TAF5L: variants seen among roughly 807,000 people sequenced by gnomAD.
TAF5L encodes TAF5-like RNA polymerase II p300/CBP-associated factor-associated factor 65 kDa subunit 5L.
A neutral mutation model predicts 51.3 loss-of-function variants in TAF5L; 7 were observed. The observed-to-expected ratio is 0.14, with a 90% CI of 0.08 to 0.26. TAF5L has a LOEUF of 0.26. Ranked by LOEUF, TAF5L falls within the 10% of genes least tolerant of loss-of-function variation. The pLI is 1.00. For synonymous variants in TAF5L, 291 were observed against 308.1 expected, an observed-to-expected ratio of 0.94 and a Z score of 0.58; for missense variants, 575 against 758.9, an observed-to-expected ratio of 0.76 and a Z score of 2.85.
At chr1:229,601,254 A>C in intron 4 of TAF5L, 5 of 985,424 alleles carry the variant, frequency 5.1e-6, no homozygotes, top group Non-Finnish European at 6.0e-6. Context: ...TATTCTTGAC[A>C]TCCTTATCAT....
chr1:229,615,755 G>C (rs1256417787), intron 1 of TAF5L, among the ~76,000 whole-genome samples: 1 of 152,132 alleles, frequency 6.6e-6, no homozygotes, highest in Admixed American at 6.5e-5. Context: ...AATGACAGCT[G>C]GATGAATTTT....
At position 229,602,135 on chromosome 1, in the gene TAF5L, A is replaced by T; in HGVS notation, c.972+60T>A. 1 of 1,564,330 alleles carries T rather than the reference A, an allele frequency of 6.4e-7. No individual in the cohort carries two copies. The highest frequency in any genetic ancestry group is 8.7e-7 in the Non-Finnish European group (1 of 1,155,542). On this transcript the variant is annotated intron_variant, in intron 4 of 4. Coordinates refer to ENST00000258281, the Ensembl canonical transcript of TAF5L. The surrounding 1 kb of genome is among the most constrained non-coding windows in gnomAD (Gnocchi z 4.6). ...CATTCTAAGATATGTCGTGTTTGGTAAGGACATTCTAAGGAAATTAGGAAG... is the reference window on the plus strand; with the variant it reads ...CATTCTAAGATATGTCGTGTTTGGTTAGGACATTCTAAGGAAATTAGGAAG...
intron 3 of TAF5L, among the ~76,000 whole-genome samples, chr1:229,609,388 T>A (rs116256187): frequency 6.6e-6 from 1 of 152,242 alleles, no homozygotes; most frequent in Non-Finnish European, 1.5e-5. Context: ...TACAGAACTG[T>A]AATGATTTTT....
At chr1:229,616,033 G>C (rs1020598622) in intron 1 of TAF5L, among the ~76,000 whole-genome samples, 1 of 151,410 alleles carries the variant, frequency 6.6e-6, no homozygotes, top group African/African-American at 2.4e-5. Flanking sequence ...TATTTTTTTT[G>C]AGACAGTGTC....
At chr1:229,599,274 T>TG (rs1664269784) in intron 4 of TAF5L, 1 of 744,806 alleles carries the variant, frequency 1.3e-6, no homozygotes, top group African/African-American at 2.3e-5. Context: ...ACTGTTATCC[T>TG]GTTTTTTTTT....
intron 4 of TAF5L, among the ~76,000 whole-genome samples, chr1:229,597,394 C>T (rs1025767243): frequency 7.9e-5 from 12 of 152,188 alleles, no homozygotes; most frequent in African/African-American, 2.7e-4. Context: ...TGATGATTGT[C>T]CCAGGCTGGT....
chr1:229,597,092 TACAACA>T (rs1043631371), intron 4 of TAF5L, among the ~76,000 whole-genome samples: 1 of 152,198 alleles, frequency 6.6e-6, no homozygotes, highest in Admixed American at 6.5e-5. Context: ...CCAAAGAAGT[TACAACA>T]ACACTTTAAA....
At chr1:229,623,058 C>T (rs372410805) in intron 1 of TAF5L, among the ~76,000 whole-genome samples, 1 of 152,296 alleles carries the variant, frequency 6.6e-6, no homozygotes, top group African/African-American at 2.4e-5. Context: ...GGGTGGATCA[C>T]CCGAGGTCAG....
chr1:229,601,825 T>G (rs1664386245), intron 4 of TAF5L: 2 of 1,031,120 alleles, frequency 1.9e-6, no homozygotes, highest in Non-Finnish European at 2.3e-6. Flanking sequence ...TTCGACTCAG[T>G]TATCCTACTA....
intron 3 of TAF5L, among the ~76,000 whole-genome samples, chr1:229,605,128 A>ATATATATATT (rs1340196774): frequency 6.9e-6 from 1 of 145,098 alleles, no homozygotes; most frequent in African/African-American, 2.6e-5. Context: ...ATATATATGT[A>ATATATATATT]TTTTTTTTTT....
intron 4 of TAF5L, chr1:229,600,513 C>T: frequency 2.0e-6 from 2 of 985,428 alleles, no homozygotes; most frequent in Non-Finnish European, 1.2e-6. Context: ...CCCTTATCCC[C>T]TACAGTAATT....
Position 229,602,109 on chromosome 1 carries a change from C to T in TAF5L, c.972+86G>A, listed in dbSNP as rs1381604680. 1 of 1,532,478 alleles carries T rather than the reference C, an allele frequency of 6.5e-7. No individual in the cohort carries two copies. The highest frequency in any genetic ancestry group is 2.3e-5 in the East Asian group (1 of 44,228). 94.9% of individuals were successfully genotyped at this position (1,532,478 alleles called of 1,614,324 possible). ...TATATGATGAGGGAAACTAGGAAGTCCATTCTAAGATATGTCGTGTTTGGT... is the reference window on the plus strand; with the variant it reads ...TATATGATGAGGGAAACTAGGAAGTTCATTCTAAGATATGTCGTGTTTGGT... On this transcript the variant is annotated intron_variant, in intron 4 of 4. Transcript: ENST00000258281. This position sits in a 1 kb window ranked among gnomAD's most constrained non-coding sequence, Gnocchi z 4.6.
intron 4 of TAF5L, among the ~76,000 whole-genome samples, chr1:229,597,582 G>A (rs1428231431): frequency 6.6e-6 from 1 of 152,128 alleles, no homozygotes; most frequent in African/African-American, 2.4e-5. Flanking sequence ...ATTTACAAGG[G>A]CCCAACGCCA....
rs1439802004 is a variant in TAF5L, at chr1:229,594,659, G to A, written c.1408C>T (p.Pro470Ser). The change falls in exon 5 of 5, where the codon CCC (proline) becomes TCC (serine). Residue 470 changes from proline to serine, a missense_variant. By Grantham distance (74) the Pro-to-Ser change is moderately conservative. This residue lies in a region of TAF5L where 104 missense variants were observed against 218.3 expected (regional missense o/e 0.48). Coordinates refer to ENST00000258281, the Ensembl canonical transcript of TAF5L. The surrounding 1 kb of genome is among the most constrained non-coding windows in gnomAD (Gnocchi z 7.9). ...GGAGAAAAGGCGAGAGAAAGCACGG[G>A]GCCACGGTGGCCTGTGAAAAGCCTC... is the stretch of plus-strand genomic sequence containing the variant. 2 of 1,614,054 alleles carry A rather than the reference G, an allele frequency of 1.2e-6. No individual in the cohort carries two copies. Among genetic ancestry groups the A allele is most frequent in the Non-Finnish European group, 1.7e-6 (2 of 1,180,050 alleles).
In TAF5L at chr1:229,603,000, CATAT is replaced by C. The variant is rs548384314; in HGVS notation, c.248-85_248-82del. 176 of 1,478,754 alleles carry C rather than the reference CATAT, an allele frequency of 1.2e-4. 2 individuals are homozygous for C. The South Asian group carries it at 1.9e-3, about 16-fold the overall frequency. 91.6% of individuals were successfully genotyped at this position (1,478,754 alleles called of 1,614,324 possible). On this transcript the variant is annotated intron_variant, in intron 3 of 4. Transcript: ENST00000258281. The surrounding 1 kb of genome is among the most constrained non-coding windows in gnomAD (Gnocchi z 4.6). Reference sequence around the variant, plus strand: ...GATCCCTCCTGGGGATCACCACCATCATATAATGCTTTCTTGCCAGGACCCCATT... The same window carrying C: ...GATCCCTCCTGGGGATCACCACCATCAATGCTTTCTTGCCAGGACCCCATT...
intron 3 of TAF5L, chr1:229,606,854 A>G: frequency 1.0e-6 from 1 of 985,468 alleles, no homozygotes; most frequent in Non-Finnish European, 1.2e-6. Context: ...GTGAGCTCAC[A>G]GAATCTCTCA....
At chr1:229,610,235 CAG>C (rs1664739064) in intron 2 of TAF5L, 25 bp from the exon 3 acceptor site, 1 of 1,608,964 alleles carries the variant, frequency 6.2e-7, no homozygotes, top group Admixed American at 1.7e-5. Context: ...ATACACAAGT[CAG>C]GGCGGGAAAC....
intron 1 of TAF5L, among the ~76,000 whole-genome samples, chr1:229,617,633 G>C (rs1394186777): frequency 6.6e-6 from 1 of 152,182 alleles, no homozygotes; most frequent in Non-Finnish European, 1.5e-5. Context: ...GACTGATCTG[G>C]AGAACAGGCT....
At chr1:229,608,009 T>C (rs573953827) in intron 3 of TAF5L, among the ~76,000 whole-genome samples, 13 of 152,350 alleles carry the variant, frequency 8.5e-5, no homozygotes, top group East Asian at 5.8e-4. Flanking sequence ...AAATGGTTGA[T>C]AGACTATAAT....
Sources: allele counts gnomAD v4.1 joint callset (sites outside exome capture counted in the v4.1 genomes callset), GRCh38; gene constraint gnomAD v4.1.1; regional missense constraint gnomAD v4.1.1; non-coding constraint Gnocchi (gnomAD v3.1); transcripts MANE v1.5; gene names NCBI Gene and HGNC (gene_info 2026-07-23, HGNC 2026-07-21).